PTPRO: variants seen among roughly 807,000 people sequenced by gnomAD.
PTPRO encodes protein tyrosine phosphatase receptor type O.
PTPRO carries 62 observed loss-of-function variants against 145.2 expected under a neutral mutation model. The observed-to-expected ratio is 0.43, with a 90% CI of 0.35 to 0.53. The LOEUF is 0.53. Among genes scored for constraint, PTPRO ranks in the 20% least tolerant of loss-of-function variants. The probability of loss-of-function intolerance (pLI) is 0.01; values close to 1 mark genes in which losing one functional copy is unlikely to be tolerated. For missense variants in PTPRO, 1,345 were observed against 1,482.7 expected (o/e 0.91, Z 1.53); for synonymous variants, 565 against 514.7 (o/e 1.10, Z -1.32).
intron 24 of PTPRO, among the ~76,000 whole-genome samples, chr12:15,588,331 TA>T (rs1463462169): frequency 6.6e-6 from 1 of 152,216 alleles, no homozygotes; most frequent in African/African-American, 2.4e-5. Flanking sequence ...ACTTTCCATA[TA>T]AATTTGCTTG....
chr12:15,349,903 A>T (rs905663303), intron 1 of PTPRO, among the ~76,000 whole-genome samples: 1 of 152,174 alleles, frequency 6.6e-6, no homozygotes, highest in African/African-American at 2.4e-5. Flanking sequence ...GTTCTAGGGG[A>T]AAGGAGTTCC....
rs114100091 is a variant in PTPRO at position 15,481,636 on chromosome 12, G to A, written c.76-2338G>A. Among the ~76,000 whole-genome samples, 9 of 152,086 alleles carry A rather than the reference G, an allele frequency of 5.9e-5. No homozygotes were observed. In the East Asian group the frequency reaches 7.7e-4, roughly 13 times the overall value. On this transcript the variant is annotated intron_variant, in intron 1 of 26. Coordinates refer to ENST00000281171, the MANE Select transcript of PTPRO (RefSeq NM_030667.3). ...CAGCTGGAAATAACATGCAGTTCCCGACCTTAGAGTACTTATGGTCTAGTA... is the reference window on the plus strand; with the variant it reads ...CAGCTGGAAATAACATGCAGTTCCCAACCTTAGAGTACTTATGGTCTAGTA...
At chr12:15,549,061 AC>A in intron 13 of PTPRO, 32 bp from the exon 14 acceptor site, 1 of 1,606,966 alleles carries the variant, frequency 6.2e-7, no homozygotes, top group Non-Finnish European at 8.5e-7. Flanking sequence ...GATGAAGTTA[AC>A]CTAAAATTTA....
intron 1 of PTPRO, among the ~76,000 whole-genome samples, chr12:15,475,894 AT>A (rs1293432012): frequency 6.6e-6 from 1 of 152,192 alleles, no homozygotes; most frequent in African/African-American, 2.4e-5. Flanking sequence ...CATGGGTATG[AT>A]TACTCTTTCT....
chr12:15,587,403 C>T (rs1036212342), intron 24 of PTPRO, among the ~76,000 whole-genome samples: 1 of 152,120 alleles, frequency 6.6e-6, no homozygotes, highest in Non-Finnish European at 1.5e-5. Flanking sequence ...GTGATATTAT[C>T]CTACTCCATC....
chr12:15,434,791 T>A (rs1940549816), intron 1 of PTPRO, among the ~76,000 whole-genome samples: 2 of 152,188 alleles, frequency 1.3e-5, no homozygotes, highest in South Asian at 4.1e-4. Flanking sequence ...GCTATAGGGA[T>A]GTTCAATGAA....
rs71581909 is a variant in PTPRO at position 15,526,153 on chromosome 12, T to C, written c.2055T>C (p.Asn685=). 2.7e-5 allele frequency: 43 copies of C among 1,614,008 alleles called. No individual in the cohort carries two copies. In the Middle Eastern group the frequency reaches 4.9e-4, roughly 19 times the overall value. Reference sequence around the variant, plus strand: ...TGATGATCTTGCAGGTAACACGCAATGTCATGACTGCAATTCTCAGCTTGC... The same window carrying C: ...TGATGATCTTGCAGGTAACACGCAACGTCATGACTGCAATTCTCAGCTTGC... ...KKKIKKSVTR[N]VMTAILSLPP... The change falls in exon 12 of 27, where the codon AAT becomes AAC. Residue 685 remains asparagine (N), a synonymous_variant. Transcript: ENST00000281171.
chr12:15,422,316 A>G (rs1940168654), intron 1 of PTPRO, among the ~76,000 whole-genome samples: 1 of 152,188 alleles, frequency 6.6e-6, no homozygotes, highest in South Asian at 2.1e-4. Context: ...CATTTGAGGC[A>G]ATTGTAAGAG....
chr12:15,497,455 GC>G lies in PTPRO; in HGVS notation c.508+53del, dbSNP rs1373191652. 2.6e-6 allele frequency: 4 copies of G among 1,566,588 alleles called. No homozygotes were observed. The Admixed American group carries it at 6.7e-5, about 26-fold the overall frequency. On this transcript the variant is annotated intron_variant, in intron 3 of 26. Transcript: ENST00000281171. ...AATGATGACCCTCACTTTTTACAAA[GC>G]TTTTCCCAAATGATGTTCTCTCTTA...
Position 15,499,452 on chromosome 12 carries a change from G to T in PTPRO, c.519G>T (p.Lys173Asn). Residue 173 changes from lysine to asparagine, a missense_variant, in exon 4 of 27, where the codon AAG becomes AAT. Transcript: ENST00000281171. ...FRTMLYKDFF[K>N]GKTVFNHWLP... The stretch of plus-strand genomic sequence containing the variant: ...ATTTTCTCTTCACAGATTTCTTTAA[G>T]GGAAAAACAGTATTTAATCACTGGC... The T allele has an allele frequency of 6.2e-7, 1 of 1,613,134 alleles. No individual in the cohort carries two copies. The highest frequency in any genetic ancestry group is 1.1e-5 in the South Asian group (1 of 91,044).
intron 2 of PTPRO, among the ~76,000 whole-genome samples, chr12:15,490,465 A>AT (rs1327681368): frequency 6.6e-6 from 1 of 152,132 alleles, no homozygotes; most frequent in Non-Finnish European, 1.5e-5. Context: ...CCAAAATTTT[A>AT]TTTTTTTATA....
At chr12:15,402,248 C>T (rs1465286417) in intron 1 of PTPRO, among the ~76,000 whole-genome samples, 2 of 152,022 alleles carry the variant, frequency 1.3e-5, no homozygotes, top group South Asian at 2.1e-4. Context: ...ATTAGCTGGG[C>T]ATGGTGGTGT....
intron 1 of PTPRO, among the ~76,000 whole-genome samples, chr12:15,379,141 A>C (rs1938777150): frequency 6.6e-6 from 1 of 152,108 alleles, no homozygotes; most frequent in African/African-American, 2.4e-5. Flanking sequence ...ATTCAAAAGA[A>C]ATAAAATCAT....
chr12:15,551,097 T>C (rs573193109), intron 14 of PTPRO, among the ~76,000 whole-genome samples: 140 of 152,336 alleles, frequency 9.2e-4, no homozygotes, highest in African/African-American at 3.2e-3. Flanking sequence ...CTTTTTGATA[T>C]ACATTATTAG....
At chr12:15,476,630 A>G (rs1314000522) in intron 1 of PTPRO, among the ~76,000 whole-genome samples, 1 of 151,726 alleles carries the variant, frequency 6.6e-6, no homozygotes, top group Admixed American at 6.6e-5. Context: ...TTGGACATGA[A>G]GTCCTTGCCC....
At chr12:15,337,522 GC>G (rs1197544238) in intron 1 of PTPRO, 1 of 152,034 alleles carries the variant, frequency 6.6e-6, no homozygotes, top group African/African-American at 2.4e-5. Flanking sequence ...CTAGTTCCTC[GC>G]CCATCTCACT....
chr12:15,510,557 A>G lies in PTPRO; in HGVS notation c.1464+1790A>G, dbSNP rs1942416818. On this transcript the variant is annotated intron_variant, in intron 7 of 26. Transcript: ENST00000281171. Reference sequence around the variant, plus strand: ...AATTATCAATGAGCCAGAAAAGACTAGTCCAAATGTACTTTTACAATATCT... The same window carrying G: ...AATTATCAATGAGCCAGAAAAGACTGGTCCAAATGTACTTTTACAATATCT... Among the ~76,000 whole-genome samples the G allele has an allele frequency of 2.6e-5, 4 of 152,248 alleles. No homozygotes were observed. The South Asian group carries it at 8.3e-4, about 31-fold the overall frequency.
At chr12:15,351,130 T>C (rs1262028748) in intron 1 of PTPRO, among the ~76,000 whole-genome samples, 2 of 152,010 alleles carry the variant, frequency 1.3e-5, no homozygotes, top group Non-Finnish European at 2.9e-5. Flanking sequence ...CTTGACAAAA[T>C]AGTTTTCTGT....
chr12:15,428,492 G>A (rs910768489), intron 1 of PTPRO, among the ~76,000 whole-genome samples: 1 of 151,994 alleles, frequency 6.6e-6, no homozygotes, highest in African/African-American at 2.4e-5. Context: ...TTTCTTATAA[G>A]GGGATCATAT....
Sources: allele counts gnomAD v4.1 joint callset (sites outside exome capture counted in the v4.1 genomes callset), GRCh38; gene constraint gnomAD v4.1.1; transcripts MANE v1.5; gene names NCBI Gene and HGNC (gene_info 2026-07-23, HGNC 2026-07-21).